Variants in TMEM108 observed in about 807,000 individuals in gnomAD.
The protein encoded by TMEM108 is transmembrane protein 108, also known as cancer/testis antigen 124.
TMEM108 carries 12 observed loss-of-function variants against 35.1 expected under a neutral mutation model. That is an observed-to-expected ratio of 0.34 (90% CI 0.22 to 0.55). The LOEUF (loss-of-function observed/expected upper bound fraction) is 0.55. Among genes scored for constraint, TMEM108 ranks in the 20% least tolerant of loss-of-function variants. The pLI, the probability that TMEM108 is intolerant of heterozygous loss-of-function variation, is 0.89. For synonymous variants in TMEM108, 287 were observed against 308.6 expected (o/e 0.93, Z 0.73); for missense variants, 680 against 753.3 (o/e 0.90, Z 1.14).
At chr3:133,186,010 C>T (rs1945415850) in intron 2 of TMEM108, among the ~76,000 whole-genome samples, 1 of 152,018 alleles carries the variant, frequency 6.6e-6, no homozygotes, top group Non-Finnish European at 1.5e-5. Context: ...TCAAGTGATC[C>T]ACCCGTCTCA....
chr3:133,335,563 C>A (rs2071477862), intron 3 of TMEM108, among the ~76,000 whole-genome samples: 1 of 152,104 alleles, frequency 6.6e-6, no homozygotes, highest in African/African-American at 2.4e-5. Context: ...CTTAGCATAT[C>A]ACATTTAGTC....
chr3:133,382,755 T>A (rs918296182), intron 4 of TMEM108, among the ~76,000 whole-genome samples: 2 of 152,138 alleles, frequency 1.3e-5, no homozygotes, highest in African/African-American at 2.4e-5. Flanking sequence ...GTGCAGGAGG[T>A]TTATGCCTTT....
At chr3:133,248,701 T>G (rs1439382519) in intron 3 of TMEM108, 1 of 152,232 alleles carries the variant, frequency 6.6e-6, no homozygotes, top group African/African-American at 2.4e-5. Context: ...CAACCCATTA[T>G]GGCAGTGGGT....
At chr3:133,183,943 C>T (rs1945384311) in intron 2 of TMEM108, among the ~76,000 whole-genome samples, 1 of 152,040 alleles carries the variant, frequency 6.6e-6, no homozygotes, top group Non-Finnish European at 1.5e-5. Context: ...AAAGACAGGG[C>T]CAGCCTGGTA....
In TMEM108 at chr3:133,380,074, C is replaced by A. The variant is rs769687648; in HGVS notation, c.363C>A (p.Ala121=). The change falls in exon 4 of 6, where the codon GCC becomes GCA. Residue 121 remains alanine, a synonymous_variant. Coordinates refer to ENST00000321871, the MANE Select transcript of TMEM108 (RefSeq NM_023943.4). This position sits in a 1 kb window ranked among gnomAD's most constrained non-coding sequence, Gnocchi z 5.3. ...SSLSTGPAPA[A]MATTSSKPEG... ...TGTCCACAGGGCCCGCTCCAGCAGC[C>A]ATGGCAACCACATCCTCCAAGCCAG... The A allele has an allele frequency of 3.7e-6, 6 of 1,614,006 alleles. No homozygotes were observed. In the South Asian group the frequency reaches 6.6e-5, roughly 18 times the overall value.
chr3:133,215,428 G>T (rs1180342242), intron 2 of TMEM108, among the ~76,000 whole-genome samples: 1 of 150,596 alleles, frequency 6.6e-6, no homozygotes. Context: ...GTAAAGAGCT[G>T]AAACAAGAAA....
At chr3:133,177,178 C>T (rs1218109356) in intron 2 of TMEM108, among the ~76,000 whole-genome samples, 2 of 152,166 alleles carry the variant, frequency 1.3e-5, no homozygotes, top group Non-Finnish European at 2.9e-5. Flanking sequence ...TAATAAATAG[C>T]TTACCAACCA....
At chr3:133,218,631 C>T (rs1301167216) in intron 2 of TMEM108, among the ~76,000 whole-genome samples, 3 of 151,608 alleles carry the variant, frequency 2.0e-5, no homozygotes, top group Non-Finnish European at 4.4e-5. Context: ...TTTTTTCAAA[C>T]GGTTTGACTT....
intron 2 of TMEM108, among the ~76,000 whole-genome samples, chr3:133,147,065 G>A (rs1300007167): frequency 6.6e-6 from 1 of 151,950 alleles, no homozygotes; most frequent in African/African-American, 2.4e-5. Context: ...GGTGTCGATT[G>A]TAGATCTTTC....
intron 2 of TMEM108, among the ~76,000 whole-genome samples, chr3:133,165,815 AAC>A (rs1945028731): frequency 6.6e-6 from 1 of 152,236 alleles, no homozygotes. Context: ...AGGTGGTCCT[AAC>A]ACATGTGTAT....
chr3:133,204,073 T>A (rs1023666689), intron 2 of TMEM108, among the ~76,000 whole-genome samples: 1 of 152,294 alleles, frequency 6.6e-6, no homozygotes, highest in African/African-American at 2.4e-5. Context: ...TTTTCTAGTT[T>A]GTTTGTGTAG....
intron 2 of TMEM108, among the ~76,000 whole-genome samples, chr3:133,061,748 A>G (rs149838066): frequency 4.0e-4 from 61 of 152,296 alleles, no homozygotes; most frequent in African/African-American, 1.3e-3. Flanking sequence ...TCAAGGCTAT[A>G]TGTTACTAAG....
intron 2 of TMEM108, chr3:133,121,093 AGGTTAAGGACTG>A (rs1944347096): frequency 6.6e-6 from 1 of 152,240 alleles, no homozygotes. Context: ...GCAGCTCTGC[AGGTTAAGGACTG>A]TACAGCACTT....
intron 2 of TMEM108, among the ~76,000 whole-genome samples, chr3:133,057,980 G>GA (rs2107679937): frequency 6.6e-6 from 1 of 152,182 alleles, no homozygotes; most frequent in East Asian, 1.9e-4. Context: ...CCTTCTGAAG[G>GA]AGAGATACCA....
chr3:133,215,771 T>C lies in TMEM108; in HGVS notation c.-46-13495T>C, dbSNP rs535450644. ...TAGTAGAATATACCTGTATTTTTTTTCCTAGTGCTTTTATGCTTTTTTACA... is the reference window on the plus strand; with the variant it reads ...TAGTAGAATATACCTGTATTTTTTTCCCTAGTGCTTTTATGCTTTTTTACA... On this transcript the variant is annotated intron_variant, in intron 2 of 5. Coordinates refer to ENST00000321871, the MANE Select transcript of TMEM108 (RefSeq NM_023943.4). 3.3e-5 allele frequency among the ~76,000 whole-genome samples: 5 copies of C among 152,272 alleles called. No individual in the cohort carries two copies. The East Asian group carries it at 9.6e-4, about 29-fold the overall frequency.
intron 2 of TMEM108, among the ~76,000 whole-genome samples, chr3:133,129,655 A>T (rs908713840): frequency 3.3e-5 from 5 of 152,110 alleles, no homozygotes; most frequent in Non-Finnish European, 7.4e-5. Flanking sequence ...AAGGCCAAGA[A>T]TGCCAAGGAA....
chr3:133,255,253 C>G lies in TMEM108; in HGVS notation c.40+25902C>G, dbSNP rs778721119. On this transcript the variant is annotated intron_variant, in intron 3 of 5. Coordinates refer to ENST00000321871, the MANE Select transcript of TMEM108 (RefSeq NM_023943.4). ...AGTATTGTTGCATCCATTTTAGAGA[C>G]AGTCTGTTACACTATATAAAAATAC... 1.1e-3 allele frequency among the ~76,000 whole-genome samples: 173 copies of G among 152,040 alleles called. 3 individuals are homozygous for G. Among genetic ancestry groups the G allele is most frequent in the Admixed American group, 2.0e-3 (30 of 15,262 alleles).
intron 2 of TMEM108, among the ~76,000 whole-genome samples, chr3:133,160,203 A>C (rs1287465991): frequency 6.6e-6 from 1 of 152,180 alleles, no homozygotes; most frequent in Non-Finnish European, 1.5e-5. Flanking sequence ...GCCTCAGTTA[A>C]AGTCCCCAGA....
intron 2 of TMEM108, among the ~76,000 whole-genome samples, chr3:133,055,012 T>C (rs1438866875): frequency 2.0e-5 from 3 of 152,170 alleles, no homozygotes; most frequent in Non-Finnish European, 4.4e-5. Flanking sequence ...GTGATGGAGA[T>C]TGGGATCAAC....
Sources: gnomAD v4.1 joint callset for allele counts (sites outside exome capture counted in the v4.1 genomes callset) on GRCh38, gnomAD v4.1.1 for gene constraint, Gnocchi (gnomAD v3.1) non-coding constraint, MANE v1.5 for transcripts, NCBI Gene and HGNC (gene_info 2026-07-23, HGNC 2026-07-21) for gene names.